Variants in ATP6V1E1 observed in about 807,000 individuals in gnomAD.
ATP6V1E1 encodes the protein V-type proton ATPase subunit E 1.
In ATP6V1E1, 21 loss-of-function variants were observed where a neutral mutation model predicts 35.2. The ratio of observed to expected loss-of-function variants is 0.60; its 90% CI spans 0.42 to 0.86. The LOEUF is 0.86. ATP6V1E1 is among the 40% of genes least tolerant of loss of function. ATP6V1E1 has a pLI of 0.00. For missense variants in ATP6V1E1, 183 were observed against 272.6 expected (o/e 0.67, Z 2.32); for synonymous variants, 83 against 87.8 (o/e 0.95, Z 0.30).
intron 6 of ATP6V1E1, among the ~76,000 whole-genome samples, 171 bp downstream of exon 6, chr22:17,599,856 C>T (rs1301626555): frequency 6.7e-6 from 1 of 150,178 alleles, no homozygotes; most frequent in Non-Finnish European, 1.5e-5. Flanking sequence ...ACCCGGCAGG[C>T]AGAGGTTACA....
At chr22:17,605,297 G>A (rs1239710234) in intron 4 of ATP6V1E1, among the ~76,000 whole-genome samples, 2 of 151,704 alleles carry the variant, frequency 1.3e-5, no homozygotes, top group African/African-American at 4.8e-5. Context: ...TTGGCAGGCC[G>A]AGGCAGGCAG....
At chr22:17,618,741 T>A (rs1214713787) in intron 2 of ATP6V1E1, among the ~76,000 whole-genome samples, 2 of 150,890 alleles carry the variant, frequency 1.3e-5, no homozygotes, top group South Asian at 4.2e-4. Context: ...GTTTCACACC[T>A]GTAATCCCAG....
rs754840901 is a variant in ATP6V1E1 at position 17,600,037 on chromosome 22, G to A, written c.425C>T (p.Pro142Leu). ...MIVRCRKQDF[P>L]LVKAAVQKAI... The stretch of plus-strand genomic sequence containing the variant: ...TCCTAAGTTCTTTACCTTTACCAGA[G>A]GGAAATCTTGTTTCCTGCAACGAAC... The change falls in exon 6 of 9, where the codon CCT becomes CTT. Residue 142 changes from proline (P) to leucine (L), a missense_variant. Pro to Leu is a moderately conservative substitution (Grantham distance 98, BLOSUM62 -3). Coordinates refer to ENST00000253413, the MANE Select transcript of ATP6V1E1 (RefSeq NM_001696.4). 3 of 1,613,466 alleles carry A rather than the reference G, an allele frequency of 1.9e-6. No homozygotes were observed. Among genetic ancestry groups the A allele is most frequent in the African/African-American group, 1.3e-5 (1 of 74,908 alleles).
rs1310670667 is a variant in ATP6V1E1 at position 17,628,671 on chromosome 22, C to T, written c.-36G>A. ...ATGCTAGGCCGGTGAACAGTAGGCT[C>T]GAGTTTAGGTTTGAAAGGTGAGGTG... On this transcript the variant is annotated 5_prime_UTR_variant, in exon 1 of 9. Coordinates refer to ENST00000253413, the MANE Select transcript of ATP6V1E1 (RefSeq NM_001696.4). 10 of 1,613,806 alleles carry T rather than the reference C, an allele frequency of 6.2e-6. No individual in the cohort carries two copies. Among genetic ancestry groups the T allele is most frequent in the Non-Finnish European group, 8.5e-6 (10 of 1,179,886 alleles).
In ATP6V1E1 at chr22:17,594,585, G is replaced by A. The variant is rs1191953761; in HGVS notation, c.562C>T (p.Arg188Cys). ...AGGVEIYNGD[R>C]KIKVSNTLES... ...AGGGTGTTGGAAACCTTTATTTTAC[G>A]ATCTCCATTATAGATCTCAACTCCA... The change falls in exon 8 of 9, where the codon CGT becomes TGT. Residue 188 changes from arginine (R) to cysteine (C), a missense_variant. Transcript: ENST00000253413. 8 of 1,593,922 alleles carry A rather than the reference G, an allele frequency of 5.0e-6. No homozygotes were observed. Among genetic ancestry groups the A allele is most frequent in the East Asian group, 4.5e-5 (2 of 44,512 alleles).
At chr22:17,608,999 C>A (rs932260232) in intron 4 of ATP6V1E1, among the ~76,000 whole-genome samples, 2 of 151,824 alleles carry the variant, frequency 1.3e-5, no homozygotes, top group Non-Finnish European at 2.9e-5. Context: ...AGGCAGGAGA[C>A]TGGCGTGAAC....
At chr22:17,607,714 A>G (rs1265943120) in intron 4 of ATP6V1E1, among the ~76,000 whole-genome samples, 1 of 152,086 alleles carries the variant, frequency 6.6e-6, no homozygotes, top group African/African-American at 2.4e-5. Flanking sequence ...TATTTCTCAA[A>G]GTGTGGTTCT....
intron 1 of ATP6V1E1, among the ~76,000 whole-genome samples, chr22:17,627,407 A>C (rs1189267004): frequency 6.6e-6 from 1 of 151,214 alleles, no homozygotes; most frequent in African/African-American, 2.4e-5. Context: ...GGTATTACAG[A>C]CGTGAGCCAC....
intron 1 of ATP6V1E1, among the ~76,000 whole-genome samples, chr22:17,621,061 CA>C (rs58415833): frequency 8.9e-5 from 13 of 146,210 alleles, no homozygotes; most frequent in East Asian, 7.9e-4. Flanking sequence ...GACTCTGTCT[CA>C]AAAAAAAAAA....
chr22:17,627,629 G>A (rs969201489), intron 1 of ATP6V1E1, among the ~76,000 whole-genome samples: 8 of 150,796 alleles, frequency 5.3e-5, no homozygotes, highest in African/African-American at 1.9e-4. Context: ...GACCAGCCAG[G>A]CCAATATGGT....
intron 4 of ATP6V1E1, among the ~76,000 whole-genome samples, chr22:17,603,391 C>CTG (rs1485803411): frequency 6.6e-6 from 1 of 151,978 alleles, no homozygotes; most frequent in South Asian, 2.1e-4. Context: ...TGGTGAGCAC[C>CTG]TGTAGTCCCA....
chr22:17,624,136 T>C (rs1010145278), intron 1 of ATP6V1E1, among the ~76,000 whole-genome samples: 9 of 152,206 alleles, frequency 5.9e-5, no homozygotes, highest in Non-Finnish European at 1.2e-4. Flanking sequence ...GCATCTACTA[T>C]GGGCTTGGTG....
chr22:17,619,336 G>T, intron 2 of ATP6V1E1, 125 bp downstream of exon 2: 2 of 860,164 alleles, frequency 2.3e-6, no homozygotes, highest in Non-Finnish European at 3.6e-6. Flanking sequence ...AAGGAGGGAA[G>T]GAAGAGACAT....
At chr22:17,613,408 GA>G in intron 2 of ATP6V1E1, 88 bp from the exon 3 acceptor site, 1 of 977,118 alleles carries the variant, frequency 1.0e-6, no homozygotes, top group Non-Finnish European at 1.6e-6. Context: ...ACTTGCTTAT[GA>G]ACACTAATTT....
intron 1 of ATP6V1E1, 118 bp from the exon 2 acceptor site, chr22:17,619,644 G>T: frequency 2.4e-6 from 2 of 823,048 alleles, no homozygotes; most frequent in Non-Finnish European, 3.8e-6. Context: ...CTACCACTCT[G>T]GGGGGCCAAG....
rs1028534806 is a variant in ATP6V1E1, at chr22:17,592,721, G to A, written c.634C>T (p.Arg212Trp). 1.2e-6 allele frequency: 2 copies of A among 1,613,864 alleles called. No homozygotes were observed. The highest frequency in any genetic ancestry group is 2.2e-5 in the South Asian group (2 of 91,080). The change falls in exon 9 of 9, where the codon CGG (arginine) becomes TGG (tryptophan). Residue 212 changes from arginine (R) to tryptophan (W), a missense_variant. Coordinates refer to ENST00000253413, the MANE Select transcript of ATP6V1E1 (RefSeq NM_001696.4). ...GCATTTGCACCAAACAAGGCTCCCC[G>A]GACTTCTGGCATCATCTGTGGAGAG... ...LIAQQMMPEV[R>W]GALFGANANR...
chr22:17,602,278 TAA>T, intron 4 of ATP6V1E1, among the ~76,000 whole-genome samples: 1 of 152,052 alleles, frequency 6.6e-6, no homozygotes, highest in East Asian at 1.9e-4. Flanking sequence ...TAAAAATAAC[TAA>T]AATAGGAATA....
chr22:17,616,073 C>A (rs1357965707), intron 2 of ATP6V1E1, among the ~76,000 whole-genome samples: 1 of 149,620 alleles, frequency 6.7e-6, no homozygotes, highest in African/African-American at 2.5e-5. Context: ...AAAAGCCGGG[C>A]GTGGTGGCTC....
At chr22:17,613,954 A>C (rs1025925882) in intron 2 of ATP6V1E1, among the ~76,000 whole-genome samples, 39 of 150,372 alleles carry the variant, frequency 2.6e-4, no homozygotes, top group Non-Finnish European at 1.9e-4. Flanking sequence ...GCGACAGAGC[A>C]GAACTCTGTC....
Sources: allele counts gnomAD v4.1 joint callset (sites outside exome capture counted in the v4.1 genomes callset), GRCh38; gene constraint gnomAD v4.1.1; transcripts MANE v1.5; gene names NCBI Gene and HGNC (gene_info 2026-07-23, HGNC 2026-07-21).